LOC400499: variants seen among roughly 807,000 people sequenced by gnomAD.
chr16:11,396,569 C>A, the LOC400499 span: 1 of 1,232,170 alleles, frequency 8.1e-7, no homozygotes, highest in Non-Finnish European at 1.0e-6. Flanking sequence ...GAGGGTCAGG[C>A]TGAGATGCAG....
chr16:11,464,390 G>C, the LOC400499 span, among the ~76,000 whole-genome samples: 3 of 152,356 alleles, frequency 2.0e-5, no homozygotes, highest in Middle Eastern at 3.4e-3. Flanking sequence ...GGTGAACACA[G>C]AATTTCTCAC....
the LOC400499 span, among the ~76,000 whole-genome samples, chr16:11,513,279 C>T: frequency 6.6e-6 from 1 of 151,926 alleles, no homozygotes; most frequent in Non-Finnish European, 1.5e-5. Context: ...GTGCTGTGCA[C>T]CTGTAGTCCC....
chr16:11,509,489 G>C, the LOC400499 span, among the ~76,000 whole-genome samples: 43 of 151,664 alleles, frequency 2.8e-4, 1 homozygote, highest in African/African-American at 9.4e-4. Flanking sequence ...CCAAGCCATC[G>C]AGTGACCAAG....
the LOC400499 span, among the ~76,000 whole-genome samples, chr16:11,406,405 C>A: frequency 6.6e-6 from 1 of 152,118 alleles, no homozygotes; most frequent in Non-Finnish European, 1.5e-5. Flanking sequence ...TTACCTGCCT[C>A]GAATGCCCCT....
chr16:11,422,390 ACT>A, the LOC400499 span, among the ~76,000 whole-genome samples: 1 of 152,086 alleles, frequency 6.6e-6, no homozygotes, highest in Non-Finnish European at 1.5e-5. Flanking sequence ...ACTGAGCAAG[ACT>A]CTGTCTCAGA....
chr16:11,458,505 C>CAAA, the LOC400499 span, among the ~76,000 whole-genome samples: 2 of 113,482 alleles, frequency 1.8e-5, no homozygotes, highest in African/African-American at 6.4e-5. Context: ...AACTCTGTCT[C>CAAA]AAAAAAAAAA....
chr16:11,416,478 C>T, the LOC400499 span, among the ~76,000 whole-genome samples: 1 of 152,176 alleles, frequency 6.6e-6, no homozygotes, highest in Non-Finnish European at 1.5e-5. Flanking sequence ...GCATTCCTAA[C>T]CCTATCTCAT....
the LOC400499 span, among the ~76,000 whole-genome samples, chr16:11,381,414 T>C: frequency 6.6e-6 from 1 of 152,148 alleles, no homozygotes; most frequent in South Asian, 2.1e-4. Flanking sequence ...TTTTGAGCTT[T>C]GAGTTCTTTA....
chr16:11,481,463 T>C, the LOC400499 span, among the ~76,000 whole-genome samples: 2 of 151,830 alleles, frequency 1.3e-5, no homozygotes, highest in Non-Finnish European at 2.9e-5. Context: ...GGTGGGATTA[T>C]AAACGCCTGC....
chr16:11,425,856 G>A, the LOC400499 span, among the ~76,000 whole-genome samples: 1 of 152,066 alleles, frequency 6.6e-6, no homozygotes, highest in African/African-American at 2.4e-5. Flanking sequence ...TTATGAAATT[G>A]GCATAAACCT....
chr16:11,505,455 T>C, the LOC400499 span, among the ~76,000 whole-genome samples: 1 of 133,954 alleles, frequency 7.5e-6, no homozygotes, highest in African/African-American at 2.8e-5. Context: ...CTTTTTTTTT[T>C]TTTTTTTTTT....
At chr16:11,377,072 G>T in the LOC400499 span, among the ~76,000 whole-genome samples, 12,165 of 151,894 alleles carry the variant, frequency 0.08, 663 homozygotes, top group Non-Finnish European at 0.12. Flanking sequence ...TCCTGCCTCA[G>T]CCTCCCAAGT....
the LOC400499 span, among the ~76,000 whole-genome samples, chr16:11,405,582 A>T: frequency 6.6e-6 from 1 of 152,152 alleles, no homozygotes; most frequent in Non-Finnish European, 1.5e-5. Flanking sequence ...GGTGGGTGCC[A>T]CAGTCCGAGG....
the LOC400499 span, chr16:11,487,222 G>T: frequency 2.5e-6 from 1 of 398,792 alleles, no homozygotes; most frequent in South Asian, 1.3e-4. Flanking sequence ...CCAAGTCTAG[G>T]AGAGGCCCTG....
At chr16:11,409,611 C>T in the LOC400499 span, among the ~76,000 whole-genome samples, 10 of 152,172 alleles carry the variant, frequency 6.6e-5, no homozygotes, top group African/African-American at 1.2e-4. Context: ...GCCTGCATCC[C>T]GGATTTAAAA....
the LOC400499 span, chr16:11,407,374 A>G: frequency 2.5e-6 from 1 of 397,738 alleles, no homozygotes; most frequent in Non-Finnish European, 4.4e-6. Flanking sequence ...ACAAAACACG[A>G]TAAAGCTCCT....
At chr16:11,484,216 C>G in the LOC400499 span, among the ~76,000 whole-genome samples, 2 of 151,818 alleles carry the variant, frequency 1.3e-5, no homozygotes, top group African/African-American at 4.8e-5. Context: ...ACCATGTAAG[C>G]CAGGATGGTC....
chr16:11,445,723 G>C, the LOC400499 span, among the ~76,000 whole-genome samples: 4 of 152,364 alleles, frequency 2.6e-5, no homozygotes, highest in South Asian at 8.3e-4. Flanking sequence ...GTCAGAGTTT[G>C]AGAGCATGCG....
chr16:11,473,631 T>C, the LOC400499 span, among the ~76,000 whole-genome samples: 82 of 152,160 alleles, frequency 5.4e-4, no homozygotes, highest in African/African-American at 1.6e-3. Flanking sequence ...GGCAGGTGCC[T>C]GTAGCCCCAG....
Sources: allele counts gnomAD v4.1 joint callset (sites outside exome capture counted in the v4.1 genomes callset), GRCh38; gene constraint gnomAD v4.1.1; transcripts MANE v1.5.